Variants in KRT17 observed in about 807,000 individuals in gnomAD.
The protein encoded by KRT17 is keratin, type I cytoskeletal 17.
Under a neutral mutation model 45.6 loss-of-function variants are expected in KRT17, and 29 were observed. That is an observed-to-expected ratio of 0.64 (90% CI 0.47 to 0.87). KRT17 has a LOEUF of 0.87. KRT17 is among the 40% of genes least tolerant of loss of function. The pLI is 0.00. For missense variants in KRT17, 536 were observed against 577.8 expected, an observed-to-expected ratio of 0.93 and a Z score of 0.74; for synonymous variants, 219 against 234.6, an observed-to-expected ratio of 0.93 and a Z score of 0.61.
intron 7 of KRT17, 195 bp downstream of exon 7, chr17:41,620,341 C>T (rs1425361467): frequency 1.0e-6 from 1 of 985,254 alleles, no homozygotes; most frequent in African/African-American, 1.7e-5. Flanking sequence ...TGCCCCACCC[C>T]CATCAGACCA....
rs544061102 is a variant in KRT17, at chr17:41,622,277, G to A, written c.672+78C>T. The A allele has an allele frequency of 3.3e-4, 524 of 1,575,944 alleles. No homozygotes were observed. In the African/African-American group the frequency reaches 5.4e-3, roughly 16 times the overall value. ...GTGCACCTGCTCTGCTCTCTCCCAC[G>A]GCCTCAGCCATTGCCCAGCCCCAGG... On this transcript the variant is annotated intron_variant, in intron 3 of 7. Coordinates refer to ENST00000311208, the MANE Select transcript of KRT17 (RefSeq NM_000422.3).
intron 1 of KRT17, 30 bp downstream of exon 1, chr17:41,624,048 C>G: frequency 5.0e-6 from 8 of 1,611,932 alleles, no homozygotes; most frequent in Non-Finnish European, 6.8e-6. Context: ...GTCATGCCCC[C>G]CGGAGACCCC....
chr17:41,620,953 G>C lies in KRT17; in HGVS notation c.960+13C>G. The C allele has an allele frequency of 6.2e-7, 1 of 1,614,122 alleles. No homozygotes were observed. Among genetic ancestry groups the C allele is most frequent in the Non-Finnish European group, 8.5e-7 (1 of 1,180,014 alleles). On this transcript the variant is annotated intron_variant, in intron 5 of 7. Coordinates refer to ENST00000311208, the MANE Select transcript of KRT17 (RefSeq NM_000422.3). ...TCTTCTGGGCCCTCCCCCATGCACAGGACTGTTCCTACCATGCTGAGCTGG... is the reference window on the plus strand; with the variant it reads ...TCTTCTGGGCCCTCCCCCATGCACACGACTGTTCCTACCATGCTGAGCTGG...
chr17:41,622,270 C>G (rs1908568046), intron 3 of KRT17, 85 bp downstream of exon 3: 1 of 1,559,632 alleles, frequency 6.4e-7, no homozygotes, highest in Admixed American at 1.7e-5. Flanking sequence ...GCTCTGCTCT[C>G]TCCCACGGCC....
chr17:41,620,440 T>C (rs1304366731), intron 7 of KRT17, 96 bp downstream of exon 7: 1 of 1,609,904 alleles, frequency 6.2e-7, no homozygotes, highest in Non-Finnish European at 8.5e-7. Context: ...AGCCATCAAC[T>C]CCTGGAGCTC....
In KRT17 at chr17:41,621,584, A is replaced by G; in HGVS notation, c.834+9T>C. ...CTAAGAGAGCCCTCTGGCCTGCAGC[A>G]CCCCCCACCTTGCTGAAGAACCAAT... On this transcript the variant is annotated intron_variant, in intron 4 of 7. Coordinates refer to ENST00000311208, the MANE Select transcript of KRT17 (RefSeq NM_000422.3). 1 of 1,611,076 alleles carries G rather than the reference A, an allele frequency of 6.2e-7. No individual in the cohort carries two copies. The highest frequency in any genetic ancestry group is 8.5e-7 in the Non-Finnish European group (1 of 1,179,600).
Position 41,620,728 on chromosome 17 carries a change from A to C in KRT17, c.1112T>G (p.Leu371Arg). The C allele has an allele frequency of 6.2e-7, 1 of 1,612,278 alleles. No individual in the cohort carries two copies. Among genetic ancestry groups the C allele is most frequent in the East Asian group, 2.2e-5 (1 of 44,878 alleles). The stretch of plus-strand genomic sequence containing the variant: ...CTGCTCCAGCCGCGTCTTCACATCC[A>C]GCAGGATTTTGTATTCCTGGTTCTG... ...EQQNQEYKIL[L>R]DVKTRLEQEI... The change falls in exon 6 of 8, where the codon CTG becomes CGG. Residue 371 changes from leucine (L) to arginine (R), a missense_variant. By Grantham distance (102) the Leu-to-Arg change is moderately radical. Coordinates refer to ENST00000311208, the MANE Select transcript of KRT17 (RefSeq NM_000422.3).
At chr17:41,623,933 A>C in intron 1 of KRT17, 145 bp downstream of exon 1, 10 of 1,213,714 alleles carry the variant, frequency 8.2e-6, no homozygotes, top group Non-Finnish European at 1.2e-5. Context: ...AGGGGCCCCA[A>C]GGCAGGTTCC....
rs1363382784 is a variant in KRT17 at position 41,624,259 on chromosome 17, T to C, written c.251A>G (p.Glu84Gly). 1 of 1,612,452 alleles carries C rather than the reference T, an allele frequency of 6.2e-7. No homozygotes were observed. Among genetic ancestry groups the C allele is most frequent in the Admixed American group, 1.7e-5 (1 of 60,012 alleles). ...GGVDGLLAGG[E>G]KATMQNLNDR... is the part of the protein sequence containing the mutation. ...ATTGAGGTTCTGCATGGTGGCCTTC[T>C]CACCTCCAGCCAGCAGCCCATCAAC... Residue 84 changes from glutamate (E) to glycine (G), a missense_variant, in exon 1 of 8, where the codon GAG becomes GGG. Transcript: ENST00000311208.
At chr17:41,621,182 C>A in intron 4 of KRT17, 91 bp from the exon 5 acceptor site, 2 of 1,512,482 alleles carry the variant, frequency 1.3e-6, no homozygotes, top group Non-Finnish European at 1.8e-6. Flanking sequence ...AGAGAGTGTG[C>A]CTTCTCACCA....
intron 3 of KRT17, 42 bp downstream of exon 3, chr17:41,622,313 C>G (rs763580927): frequency 3.1e-6 from 5 of 1,611,272 alleles, no homozygotes; most frequent in Non-Finnish European, 4.2e-6. Flanking sequence ...GCTCTGCCAC[C>G]CACTCCTCAG....
Position 41,624,243 on chromosome 17 carries a change from C to G in KRT17, c.267G>C (p.Gln89His), listed in dbSNP as rs746060683. The G allele has an allele frequency of 9.3e-6, 15 of 1,612,766 alleles. No individual in the cohort carries two copies. Among genetic ancestry groups the G allele is most frequent in the Non-Finnish European group, 1.2e-5 (14 of 1,180,030 alleles). ...AGGAGGCCAGGCGGTCATTGAGGTTCTGCATGGTGGCCTTCTCACCTCCAG... is the reference window on the plus strand; with the variant it reads ...AGGAGGCCAGGCGGTCATTGAGGTTGTGCATGGTGGCCTTCTCACCTCCAG... ...LLAGGEKATM[Q>H]NLNDRLASYL... The change falls in exon 1 of 8, where the codon CAG becomes CAC. Residue 89 changes from glutamine to histidine, a missense_variant. Coordinates refer to ENST00000311208, the MANE Select transcript of KRT17 (RefSeq NM_000422.3).
Position 41,619,692 on chromosome 17 carries a change from CAGG to C in KRT17, c.1205-7_1205-5del, listed in dbSNP as rs1228620896. 6.2e-7 allele frequency: 1 copy of C among 1,612,078 alleles called. No individual in the cohort carries two copies. Among genetic ancestry groups the C allele is most frequent in the Non-Finnish European group, 8.5e-7 (1 of 1,180,010 alleles). ...CGCACCTGACGGGTGGTCACCGCTG[CAGG>C]AGAAGCAGGCAATTTAAAGTGGGTA... On this transcript the variant is annotated splice_region_variant and splice_polypyrimidine_tract_variant and intron_variant, in intron 7 of 7. Transcript: ENST00000311208.
chr17:41,622,517 G>A lies in KRT17; in HGVS notation c.516-6C>T, dbSNP rs369930286. 137 of 1,613,046 alleles carry A rather than the reference G, an allele frequency of 8.5e-5. No individual in the cohort carries two copies. The African/African-American group carries it at 1.3e-3, about 15-fold the overall frequency. On this transcript the variant is annotated splice_polypyrimidine_tract_variant and splice_region_variant and intron_variant, in intron 2 of 7. Transcript: ENST00000311208. ...GGGCCTGCTCTGTCTCAAACCTGCC[G>A]TGGGAATCAGAGACTTCAGCCCAGG...
chr17:41,623,701 C>A (rs1374573218), intron 1 of KRT17, among the ~76,000 whole-genome samples: 1 of 152,044 alleles, frequency 6.6e-6, no homozygotes, highest in Non-Finnish European at 1.5e-5. Context: ...TCCACATCAC[C>A]CAAAACCCCC....
intron 7 of KRT17, 191 bp downstream of exon 7, chr17:41,620,345 C>G (rs1190291648): frequency 1.0e-6 from 1 of 985,272 alleles, no homozygotes; most frequent in Non-Finnish European, 1.2e-6. Context: ...CCACCCCCAT[C>G]AGACCAGACA....
At chr17:41,620,196 T>G in intron 7 of KRT17, 1 of 985,336 alleles carries the variant, frequency 1.0e-6, no homozygotes, top group African/African-American at 1.7e-5. Context: ...GACAGGACTG[T>G]TTTTGCTCAT....
chr17:41,620,176 A>C (rs1237958792), intron 7 of KRT17: 1 of 985,312 alleles, frequency 1.0e-6, no homozygotes, highest in Non-Finnish European at 1.2e-6. Context: ...ATCAGGCTAC[A>C]GACCCCAGAG....
chr17:41,620,315 G>A (rs1179021357), intron 7 of KRT17: 1 of 985,282 alleles, frequency 1.0e-6, no homozygotes, highest in Non-Finnish European at 1.2e-6. Context: ...GATCTCCAAG[G>A]TAAGGACCAG....
Sources: allele counts gnomAD v4.1 joint callset (sites outside exome capture counted in the v4.1 genomes callset), GRCh38; gene constraint gnomAD v4.1.1; transcripts MANE v1.5; gene names NCBI Gene and HGNC (gene_info 2026-07-23, HGNC 2026-07-21).